The following CADPS variants were observed in gnomAD, a reference collection of about 807,000 sequenced individuals.
CADPS encodes the protein calcium-dependent secretion activator 1.
Under a neutral mutation model 167.3 loss-of-function variants are expected in CADPS, and 57 were observed. That is an observed-to-expected ratio of 0.34 (90% CI 0.28 to 0.42). The LOEUF is 0.42. Among genes scored for constraint, CADPS ranks in the 20% least tolerant of loss-of-function variants. The pLI is 1.00. For synonymous variants in CADPS, 676 were observed against 635.3 expected (o/e 1.06, Z -0.96); for missense variants, 1,414 against 1,738.1 (o/e 0.81, Z 3.32).
intron 11 of CADPS, among the ~76,000 whole-genome samples, chr3:62,548,492 T>G (rs985150403): frequency 4.6e-5 from 7 of 152,234 alleles, no homozygotes; most frequent in Non-Finnish European, 1.0e-4. Context: ...TGGGAGCATC[T>G]GATAGACAGA....
chr3:62,731,571 T>C (rs551641495), intron 3 of CADPS, among the ~76,000 whole-genome samples: 1 of 152,092 alleles, frequency 6.6e-6, no homozygotes, highest in Non-Finnish European at 1.5e-5. Flanking sequence ...GAGTCCCCTA[T>C]ACTGGTGCAG....
chr3:62,782,769 T>C (rs2091881695), intron 1 of CADPS, among the ~76,000 whole-genome samples: 2 of 151,390 alleles, frequency 1.3e-5, no homozygotes, highest in Admixed American at 1.3e-4. Flanking sequence ...TTCTTTTTTT[T>C]TTTTTTTTGA....
chr3:62,508,933 G>T (rs7646021), intron 17 of CADPS, among the ~76,000 whole-genome samples: 120,392 of 151,856 alleles, frequency 0.79, 48,217 homozygotes, highest in Middle Eastern at 0.88. Context: ...CCCCACTTAT[G>T]GTAAAGTATA....
At chr3:62,496,396 G>A (rs1328768551) in intron 18 of CADPS, among the ~76,000 whole-genome samples, 1 of 152,198 alleles carries the variant, frequency 6.6e-6, no homozygotes, top group African/African-American at 2.4e-5. Context: ...TTGAGAACAG[G>A]TGGTAGTGCC....
intron 1 of CADPS, among the ~76,000 whole-genome samples, chr3:62,856,425 A>G (rs2079700466): frequency 6.6e-6 from 1 of 152,136 alleles, no homozygotes; most frequent in African/African-American, 2.4e-5. Context: ...CTTTATGTTA[A>G]TCTACAGAGA....
intron 1 of CADPS, among the ~76,000 whole-genome samples, chr3:62,848,249 A>G (rs1455202836): frequency 2.3e-5 from 3 of 128,116 alleles, no homozygotes; most frequent in Non-Finnish European, 4.8e-5. Flanking sequence ...CTCTGATGGT[A>G]GTTTCTTTTG....
rs2152126080 is a variant in CADPS at position 62,544,086 on chromosome 3, T to C, written c.1966+5817A>G. 6.6e-6 allele frequency among the ~76,000 whole-genome samples: 1 copy of C among 152,202 alleles called. No individual in the cohort carries two copies. Among genetic ancestry groups the C allele is most frequent in the African/African-American group, 2.4e-5 (1 of 41,558 alleles). On this transcript the variant is annotated intron_variant, in intron 11 of 29. Coordinates refer to ENST00000383710, the MANE Select transcript of CADPS (RefSeq NM_003716.4). The surrounding 1 kb of genome is among the most constrained non-coding windows in gnomAD (Gnocchi z 4.4). Reference sequence around the variant, plus strand: ...TGATACCAAGGTTAATACCTTGGCATTGTAAGACTGTGAATCCAAAGCATT... The same window carrying C: ...TGATACCAAGGTTAATACCTTGGCACTGTAAGACTGTGAATCCAAAGCATT...
intron 1 of CADPS, among the ~76,000 whole-genome samples, chr3:62,799,993 A>G (rs2093668501): frequency 6.6e-6 from 1 of 152,150 alleles, no homozygotes; most frequent in Non-Finnish European, 1.5e-5. Flanking sequence ...TTCTCTCCTG[A>G]GCAGGTTTGC....
chr3:62,578,907 G>C (rs1436549209), intron 8 of CADPS, among the ~76,000 whole-genome samples: 1 of 152,164 alleles, frequency 6.6e-6, no homozygotes, highest in Non-Finnish European at 1.5e-5. Context: ...CCTGGTTTCA[G>C]AGTCTGTACC....
chr3:62,618,095 A>G (rs1562957150), intron 6 of CADPS, among the ~76,000 whole-genome samples: 1 of 152,130 alleles, frequency 6.6e-6, no homozygotes, highest in Non-Finnish European at 1.5e-5. Context: ...AGAGTCAGCC[A>G]CAAAATTTAG....
chr3:62,731,029 C>A, intron 3 of CADPS, among the ~76,000 whole-genome samples: 1 of 152,184 alleles, frequency 6.6e-6, no homozygotes, highest in East Asian at 1.9e-4. Flanking sequence ...AGAAACAAGA[C>A]ATGCTCATTC....
chr3:62,604,117 A>G (rs929959445), intron 6 of CADPS, among the ~76,000 whole-genome samples: 6 of 151,932 alleles, frequency 3.9e-5, no homozygotes, highest in African/African-American at 1.5e-4. Context: ...GGTGTGAGCC[A>G]CCTCACCCGG....
In CADPS at chr3:62,399,619, T is replaced by A; in HGVS notation, c.3883-34A>T. 6.3e-7 allele frequency: 1 copy of A among 1,580,220 alleles called. No individual in the cohort carries two copies. The stretch of plus-strand genomic sequence containing the variant: ...GGAAAAGATACAGTGATAAGAGAGA[T>A]CTCATCTCCATGATGGGGAGGGAGA... On this transcript the variant is annotated intron_variant, in intron 29 of 29. Transcript: ENST00000383710. This position sits in a 1 kb window ranked among gnomAD's most constrained non-coding sequence, Gnocchi z 5.6.
chr3:62,526,027 AC>A (rs1337277700), intron 13 of CADPS, among the ~76,000 whole-genome samples: 1 of 152,226 alleles, frequency 6.6e-6, no homozygotes, highest in East Asian at 1.9e-4. Flanking sequence ...AATTGTTGTG[AC>A]ACACTGGGGA....
intron 3 of CADPS, among the ~76,000 whole-genome samples, chr3:62,693,634 A>C (rs890507318): frequency 2.0e-5 from 3 of 151,850 alleles, no homozygotes; most frequent in African/African-American, 7.3e-5. Flanking sequence ...ATACAAAAAA[A>C]ATTAGCCAAG....
At chr3:62,519,309 A>T (rs1401624082) in intron 13 of CADPS, among the ~76,000 whole-genome samples, 3 of 152,192 alleles carry the variant, frequency 2.0e-5, no homozygotes, top group African/African-American at 7.2e-5. Context: ...GGCCTTCTCA[A>T]GGATCCAGCA....
chr3:62,418,832 A>G (rs564645781), intron 28 of CADPS, among the ~76,000 whole-genome samples: 40 of 152,130 alleles, frequency 2.6e-4, no homozygotes, highest in Non-Finnish European at 5.1e-4. Context: ...AATCTAACTT[A>G]GATGTCAAAA....
intron 6 of CADPS, 61 bp from the exon 7 acceptor site, chr3:62,592,809 C>T (rs1273880100): frequency 3.2e-6 from 4 of 1,241,508 alleles, no homozygotes; most frequent in African/African-American, 1.5e-5. Flanking sequence ...CTAAACTATT[C>T]CATTGTTCCC....
chr3:62,501,874 G>A (rs1195119801), intron 17 of CADPS, among the ~76,000 whole-genome samples: 2 of 152,198 alleles, frequency 1.3e-5, no homozygotes, highest in Non-Finnish European at 2.9e-5. Context: ...CATAAATTGT[G>A]CATGTGCATG....
Sources: allele counts gnomAD v4.1 joint callset (sites outside exome capture counted in the v4.1 genomes callset), GRCh38; gene constraint gnomAD v4.1.1; non-coding constraint Gnocchi (gnomAD v3.1); transcripts MANE v1.5; gene names NCBI Gene and HGNC (gene_info 2026-07-23, HGNC 2026-07-21).